The following SORCS1 variants were observed in gnomAD, a reference collection of about 807,000 sequenced individuals.
The protein encoded by SORCS1 is sortilin related VPS10 domain containing receptor 1.
Under a neutral mutation model 146.1 loss-of-function variants are expected in SORCS1, and 60 were observed. The observed-to-expected ratio is 0.41, with a 90% confidence interval of 0.33 to 0.51. The LOEUF (loss-of-function observed/expected upper bound fraction) is 0.51, where lower values mean the gene tolerates loss of function less well. Ranked by LOEUF, SORCS1 falls within the 20% of genes least tolerant of loss-of-function variation. SORCS1 has a pLI of 0.21. For synonymous variants in SORCS1, 637 were observed against 584.0 expected, an observed-to-expected ratio of 1.09 and a Z score of -1.31; for missense variants, 1,352 against 1,487.6, an observed-to-expected ratio of 0.91 and a Z score of 1.50.
intron 1 of SORCS1, among the ~76,000 whole-genome samples, chr10:106,957,977 A>C (rs2139016354): frequency 6.6e-6 from 1 of 152,344 alleles, no homozygotes; most frequent in East Asian, 1.9e-4. Flanking sequence ...ATGAAAGAAA[A>C]GGGAAGTTGA....
intron 2 of SORCS1, among the ~76,000 whole-genome samples, chr10:106,883,744 A>G (rs1950893121): frequency 6.6e-6 from 1 of 152,150 alleles, no homozygotes; most frequent in African/African-American, 2.4e-5. Flanking sequence ...TCTTGGTTGT[A>G]TATCTATTGC....
chr10:107,035,270 A>C (rs1243215729), intron 1 of SORCS1, among the ~76,000 whole-genome samples: 2 of 140,624 alleles, frequency 1.4e-5, no homozygotes, highest in African/African-American at 5.9e-5. Context: ...TTCAAAAAAA[A>C]AAAAACAACA....
chr10:107,111,755 G>T (rs1309561321), intron 1 of SORCS1, among the ~76,000 whole-genome samples: 1 of 152,090 alleles, frequency 6.6e-6, no homozygotes, highest in Non-Finnish European at 1.5e-5. Context: ...TCAACCTAAA[G>T]AAGAAACTCC....
chr10:107,116,635 C>A (rs1487390678), intron 1 of SORCS1, among the ~76,000 whole-genome samples: 1 of 151,972 alleles, frequency 6.6e-6, no homozygotes, highest in East Asian at 1.9e-4. Context: ...CAGGAAGTTA[C>A]CAGGGACTAG....
intron 18 of SORCS1, 32 bp downstream of exon 18, chr10:106,652,350 G>A: frequency 6.5e-7 from 1 of 1,528,822 alleles, no homozygotes; most frequent in Non-Finnish European, 8.9e-7. Flanking sequence ...ACTGGCCCTA[G>A]AAAGTAGGGG....
chr10:107,037,202 C>T (rs530512648), intron 1 of SORCS1, among the ~76,000 whole-genome samples: 10 of 152,286 alleles, frequency 6.6e-5, no homozygotes, highest in Non-Finnish European at 8.8e-5. Flanking sequence ...GCTGAGATTG[C>T]GCCACTGCAC....
At position 106,576,016 on chromosome 10, in the gene SORCS1, A is replaced by G. The variant is rs1844559916; in HGVS notation, c.*1404T>C. On this transcript the variant is annotated 3_prime_UTR_variant, in exon 26 of 26. Transcript: ENST00000263054. Reference sequence around the variant, plus strand: ...GAGATTTTCGTTAAGGTGTGAGAACACCACAATTCATCTCTATGCTTTCTT... The same window carrying G: ...GAGATTTTCGTTAAGGTGTGAGAACGCCACAATTCATCTCTATGCTTTCTT... The G allele has an allele frequency of 6.6e-6, 1 of 152,462 alleles. No homozygotes were observed. The highest frequency in any genetic ancestry group is 2.1e-4 in the South Asian group (1 of 4,836). 9.4% of individuals were successfully genotyped at this position (152,462 alleles called of 1,614,324 possible). A position where few individuals can be genotyped will look rare whatever the true frequency, so the allele number is the denominator to read the frequency against.
chr10:107,001,674 G>A (rs1957230262), intron 1 of SORCS1, among the ~76,000 whole-genome samples: 4 of 152,184 alleles, frequency 2.6e-5, no homozygotes, highest in Admixed American at 2.6e-4. Flanking sequence ...ATGTTGGCCA[G>A]GCTGGTCTGG....
intron 14 of SORCS1, 135 bp from the exon 15 acceptor site, chr10:106,673,120 A>T: frequency 1.6e-6 from 1 of 626,414 alleles, no homozygotes; most frequent in Non-Finnish European, 2.6e-6. Context: ...CTCAAAACGC[A>T]TTCATGAAGA....
intron 18 of SORCS1, among the ~76,000 whole-genome samples, chr10:106,650,630 C>G (rs956848931): frequency 6.6e-6 from 1 of 152,136 alleles, no homozygotes; most frequent in Non-Finnish European, 1.5e-5. Flanking sequence ...ATCTCCCAAG[C>G]CTTGTGAGTT....
At chr10:107,047,652 T>G (rs1033051498) in intron 1 of SORCS1, among the ~76,000 whole-genome samples, 3 of 152,180 alleles carry the variant, frequency 2.0e-5, no homozygotes, top group African/African-American at 4.8e-5. Flanking sequence ...GTTCTCACTT[T>G]TACTGCACTC....
At chr10:107,165,998 G>A (rs2249182), upstream of SORCS1, among the ~76,000 whole-genome samples, 123,767 of 152,142 alleles carry the variant, frequency 0.81, 51,093 homozygotes, top group Non-Finnish European at 0.9. The surrounding 1 kb of genome is among the most constrained non-coding windows in gnomAD (Gnocchi z 4.0). Flanking sequence ...AACGGCAAAG[G>A]ATTTCTCAAA....
At chr10:106,734,693 G>A (rs1175225873) in intron 5 of SORCS1, among the ~76,000 whole-genome samples, 1 of 152,128 alleles carries the variant, frequency 6.6e-6, no homozygotes, top group African/African-American at 2.4e-5. Flanking sequence ...TTTAAAATAA[G>A]TTAACATAAT....
At chr10:107,030,717 A>C (rs1003034208) in intron 1 of SORCS1, among the ~76,000 whole-genome samples, 1 of 152,242 alleles carries the variant, frequency 6.6e-6, no homozygotes, top group African/African-American at 2.4e-5. Context: ...TTTTAAAGGC[A>C]GGCCTCATTT....
chr10:106,902,830 G>A (rs1289917614), intron 2 of SORCS1, among the ~76,000 whole-genome samples: 3 of 152,210 alleles, frequency 2.0e-5, no homozygotes, highest in African/African-American at 4.8e-5. Flanking sequence ...TATAATCCCA[G>A]CACTTTGGGA....
chr10:107,030,630 T>TG (rs1458334627), intron 1 of SORCS1, among the ~76,000 whole-genome samples: 4 of 152,168 alleles, frequency 2.6e-5, no homozygotes, highest in Non-Finnish European at 5.9e-5. Flanking sequence ...AAAAAGTTAA[T>TG]GAAAAAACAC....
intron 2 of SORCS1, among the ~76,000 whole-genome samples, chr10:106,935,697 T>G (rs999371360): frequency 6.6e-6 from 1 of 152,190 alleles, no homozygotes; most frequent in Non-Finnish European, 1.5e-5. Flanking sequence ...AGACCAAGAT[T>G]CTATGAAATA....
intron 24 of SORCS1, among the ~76,000 whole-genome samples, chr10:106,594,159 T>C (rs573215078): frequency 5.3e-4 from 80 of 152,348 alleles, no homozygotes; most frequent in Non-Finnish European, 8.5e-4. Flanking sequence ...CTCAGCTAAT[T>C]ACCCACTTTT....
chr10:106,826,989 A>G (rs1459397853), intron 3 of SORCS1, among the ~76,000 whole-genome samples: 1 of 152,200 alleles, frequency 6.6e-6, no homozygotes, highest in Non-Finnish European at 1.5e-5. Context: ...CTAATTATGC[A>G]GCCTGATTCA....
Sources: allele counts gnomAD v4.1 joint callset (sites outside exome capture counted in the v4.1 genomes callset), GRCh38; gene constraint gnomAD v4.1.1; non-coding constraint Gnocchi (gnomAD v3.1); transcripts MANE v1.5; gene names NCBI Gene and HGNC (gene_info 2026-07-23, HGNC 2026-07-21).